ELN: variants seen among roughly 807,000 people sequenced by gnomAD.
ELN encodes elastin.
In ELN, 65 loss-of-function variants were observed where a neutral mutation model predicts 105.8. The observed-to-expected ratio is 0.61, with a 90% CI of 0.50 to 0.75. The LOEUF (loss-of-function observed/expected upper bound fraction) is 0.75. ELN is among the 30% of genes least tolerant of loss of function. ELN has a pLI of 0.00. For missense variants in ELN, 882 were observed against 969.4 expected (o/e 0.91, Z 1.20); for synonymous variants, 368 against 389.2 (o/e 0.95, Z 0.64).
At chr7:74,045,830 C>T (rs2131574541) in intron 10 of ELN, 1 of 330,842 alleles carries the variant, frequency 3.0e-6, no homozygotes, top group Non-Finnish European at 5.8e-6. Flanking sequence ...GGGCGGATCA[C>T]CTGAGGTCAG....
intron 1 of ELN, among the ~76,000 whole-genome samples, chr7:74,031,361 A>G (rs1788618253): frequency 1.3e-5 from 2 of 152,232 alleles, no homozygotes; most frequent in Admixed American, 1.3e-4. Flanking sequence ...GGGAATGGGC[A>G]TTTTTAAAAT....
At chr7:74,033,239 T>G (rs1789094688) in intron 1 of ELN, among the ~76,000 whole-genome samples, 1 of 152,190 alleles carries the variant, frequency 6.6e-6, no homozygotes, top group South Asian at 2.1e-4. Flanking sequence ...CTGAGCACTT[T>G]GCTCTTCCCC....
chr7:74,041,174 A>G (rs1791115533), intron 4 of ELN, 42 bp from the exon 5 acceptor site: 2 of 1,613,726 alleles, frequency 1.2e-6, no homozygotes, highest in Admixed American at 1.7e-5. Flanking sequence ...CTCTGGGCCT[A>G]GGAACACTGC....
Position 74,043,083 on chromosome 7 carries a change from T to A in ELN, c.377-35T>A, listed in dbSNP as rs376954944. 1.6e-5 allele frequency: 26 copies of A among 1,614,040 alleles called. No homozygotes were observed. In the African/African-American group the frequency reaches 2.9e-4, roughly 18 times the overall value. On this transcript the variant is annotated intron_variant, in intron 7 of 32. Coordinates refer to ENST00000252034, the MANE Select transcript of ELN (RefSeq NM_000501.4). The stretch of plus-strand genomic sequence containing the variant: ...CCTGGGTCAAAGTTGCAGGCCTGGG[T>A]GGAGCCAACTCTGATGCAGCCCCTT...
At chr7:74,056,926 CA>C (rs1795370867) in intron 21 of ELN, among the ~76,000 whole-genome samples, 1 of 151,572 alleles carries the variant, frequency 6.6e-6, no homozygotes, top group African/African-American at 2.4e-5. Flanking sequence ...CTCATCACCC[CA>C]CCCCCCACCC....
intron 3 of ELN, among the ~76,000 whole-genome samples, chr7:74,037,218 A>G (rs1554666280): frequency 5.6e-5 from 8 of 143,854 alleles, no homozygotes. Flanking sequence ...TTTGAGACAA[A>G]GTCTTGCTCT....
At chr7:74,065,389 T>A (rs554713993) in intron 29 of ELN, among the ~76,000 whole-genome samples, 21 of 151,946 alleles carry the variant, frequency 1.4e-4, no homozygotes. Context: ...CCGAGGCAGG[T>A]GGATCACCTG....
At chr7:74,046,005 A>G in intron 10 of ELN, 183 bp from the exon 11 acceptor site, 1 of 771,828 alleles carries the variant, frequency 1.3e-6, no homozygotes, top group Non-Finnish European at 2.1e-6. Context: ...ATTCCACCCC[A>G]GCCTGGGCGA....
intron 1 of ELN, 133 bp from the exon 2 acceptor site, chr7:74,035,231 C>T: frequency 1.2e-6 from 1 of 831,522 alleles, no homozygotes; most frequent in African/African-American, 1.7e-5. Context: ...GTCATTATTG[C>T]CATCAGCATT....
At chr7:74,041,193 C>G in intron 4 of ELN, 23 bp from the exon 5 acceptor site, 1 of 1,613,978 alleles carries the variant, frequency 6.2e-7, no homozygotes, top group Non-Finnish European at 8.5e-7. Context: ...GCCTACACTC[C>G]TGTCTCTGTT....
intron 23 of ELN, 22 bp from the exon 24 acceptor site, chr7:74,060,118 C>T: frequency 6.2e-7 from 1 of 1,614,154 alleles, no homozygotes; most frequent in African/African-American, 1.3e-5. Flanking sequence ...ATCTCTAATC[C>T]CCCTCTCTCT....
chr7:74,052,225 C>A, intron 17 of ELN: 2 of 564,884 alleles, frequency 3.5e-6, no homozygotes, highest in Admixed American at 3.1e-5. Flanking sequence ...CACTCCATCC[C>A]CTCCAGGGCC....
intron 4 of ELN, among the ~76,000 whole-genome samples, chr7:74,039,000 C>T (rs373636365): frequency 8.5e-5 from 13 of 152,222 alleles, no homozygotes; most frequent in South Asian, 2.1e-4. Flanking sequence ...GGGTCTTTGA[C>T]GGTGAAGAGA....
intron 1 of ELN, among the ~76,000 whole-genome samples, chr7:74,032,587 T>C (rs1554663050): frequency 6.6e-6 from 1 of 152,046 alleles, no homozygotes; most frequent in East Asian, 1.9e-4. Flanking sequence ...GATTAAAACC[T>C]CGGGCTCCCC....
intron 8 of ELN, chr7:74,043,461 A>C: frequency 1.4e-6 from 1 of 695,060 alleles, no homozygotes; most frequent in Non-Finnish European, 2.6e-6. Flanking sequence ...GTCAGTGTGG[A>C]AGGGCCTGCA....
At chr7:74,059,848 A>G in intron 22 of ELN, 38 bp from the exon 23 acceptor site, 1 of 936,046 alleles carries the variant, frequency 1.1e-6, no homozygotes, top group South Asian at 1.3e-5. Context: ...CTCTTTGATC[A>G]GGTCTTGGTT....
chr7:74,053,059 A>G (rs997667812), intron 17 of ELN, 104 bp from the exon 18 acceptor site: 3 of 1,554,596 alleles, frequency 1.9e-6, no homozygotes, highest in South Asian at 2.3e-5. Flanking sequence ...CCCACCTGCA[A>G]TCCTGCATTC....
Position 74,056,441 on chromosome 7 carries a change from C to T in ELN, c.1315+6C>T, listed in dbSNP as rs782046010. 6.2e-7 allele frequency: 1 copy of T among 1,613,326 alleles called. No homozygotes were observed. The highest frequency in any genetic ancestry group is 8.5e-7 in the Non-Finnish European group (1 of 1,179,662). ...CCCGGGAGTTGGCATTTCCCGTGAGCCTTAGTCACACCTGGGGACATGGGT... is the reference window on the plus strand; with the variant it reads ...CCCGGGAGTTGGCATTTCCCGTGAGTCTTAGTCACACCTGGGGACATGGGT... On this transcript the variant is annotated splice_donor_region_variant and intron_variant, in intron 20 of 32. Transcript: ENST00000252034.
intron 1 of ELN, among the ~76,000 whole-genome samples, chr7:74,033,251 C>A (rs1047694360): frequency 1.3e-5 from 2 of 152,224 alleles, no homozygotes; most frequent in African/African-American, 2.4e-5. Context: ...CTCTTCCCCC[C>A]ACCTCCACCA....
Sources: gnomAD v4.1 joint callset for allele counts (sites outside exome capture counted in the v4.1 genomes callset) on GRCh38, gnomAD v4.1.1 for gene constraint, MANE v1.5 for transcripts, NCBI Gene and HGNC (gene_info 2026-07-23, HGNC 2026-07-21) for gene names.